Variants in MDM2 observed in about 807,000 individuals in gnomAD.
MDM2 encodes the protein E3 ubiquitin-protein ligase Mdm2.
A neutral mutation model predicts 64.3 loss-of-function variants in MDM2; 11 were observed. That is an observed-to-expected ratio of 0.17 (90% confidence interval 0.11 to 0.28). The LOEUF (loss-of-function observed/expected upper bound fraction) is 0.28, where lower values mean the gene tolerates loss of function less well. Ranked by LOEUF, MDM2 falls within the 10% of genes least tolerant of loss-of-function variation. The pLI, the probability that MDM2 is intolerant of heterozygous loss-of-function variation, is 1.00. For missense variants in MDM2, 388 were observed against 577.1 expected, an observed-to-expected ratio of 0.67 and a Z score of 3.36; for synonymous variants, 194 against 192.9, an observed-to-expected ratio of 1.01 and a Z score of -0.05.
intron 5 of MDM2, among the ~76,000 whole-genome samples, chr12:68,821,553 AC>A (rs1565737244): frequency 4.3e-4 from 66 of 152,026 alleles, no homozygotes; most frequent in African/African-American, 1.5e-3. Flanking sequence ...CAAAATCCTA[AC>A]TCTGCAAAAA....
rs749845234 is a variant in MDM2 at position 68,808,436 on chromosome 12, G to A, written c.-42G>A. 3 of 1,613,932 alleles carry A rather than the reference G, an allele frequency of 1.9e-6. No homozygotes were observed. The highest frequency in any genetic ancestry group is 4.5e-5 in the East Asian group (2 of 44,862). On this transcript the variant is annotated 5_prime_UTR_variant, in exon 1 of 11. Transcript: ENST00000258149. ...CCGCGCGCCCCGTGAAGGAAACTGG[G>A]GAGTCTTGAGGGACCCCCGACTCCA...
downstream of MDM2, chr12:68,850,008 G>T (rs991779148): frequency 1.3e-5 from 2 of 152,412 alleles, no homozygotes; most frequent in African/African-American, 4.8e-5. Flanking sequence ...CCTTGGCTGG[G>T]GGGTGATGGC....
Position 68,844,977 on chromosome 12 carries a change from A to G in MDM2, c.*5128A>G. The G allele has an allele frequency of 5.2e-6, 1 of 193,706 alleles. No individual in the cohort carries two copies. The allele number at this position is 193,706 out of a possible 1,614,324, so 12.0% of individuals were successfully genotyped here. ...GAGATGAAGTTTCACTATGTTGGCC[A>G]GGCTGGGCTCAAACTCCTGACCTCA... On this transcript the variant is annotated 3_prime_UTR_variant, in exon 11 of 11. Coordinates refer to ENST00000258149, the MANE Select transcript of MDM2 (RefSeq NM_002392.6).
At chr12:68,823,018 A>G (rs3730558) in intron 5 of MDM2, among the ~76,000 whole-genome samples, 78,368 of 152,038 alleles carry the variant, frequency 0.52, 21,963 homozygotes, top group African/African-American at 0.74. Context: ...TGGGATTACA[A>G]GTGTGAGCCA....
chr12:68,828,598 A>C lies in MDM2; in HGVS notation c.524-173A>C, dbSNP rs3730602. ...CAGACAATAAATAAATAAACAAATA[A>C]ATAAATACACACAGATAGTGTTCTG... On this transcript the variant is annotated intron_variant, in intron 7 of 10. Coordinates refer to ENST00000258149, the MANE Select transcript of MDM2 (RefSeq NM_002392.6). The C allele has an allele frequency of 4.8e-3, 2,674 of 556,984 alleles. 67 individuals carry two copies. The highest frequency in any genetic ancestry group is 0.045 in the African/African-American group (2,363 of 52,918). 34.5% of individuals were successfully genotyped at this position (556,984 alleles called of 1,614,324 possible).
At chr12:68,846,513 G>T (rs1047469769), downstream of MDM2, 1 of 152,138 alleles carries the variant, frequency 6.6e-6, no homozygotes, top group Non-Finnish European at 1.5e-5. Flanking sequence ...CCACTGTCCT[G>T]TATTAAGTAG....
chr12:68,819,340 G>C (rs868630680), intron 4 of MDM2, among the ~76,000 whole-genome samples: 7 of 152,248 alleles, frequency 4.6e-5, no homozygotes, highest in Middle Eastern at 3.4e-3. Context: ...TTATCCTCCT[G>C]TTAGGATATA....
intron 6 of MDM2, 49 bp from the exon 7 acceptor site, chr12:68,824,506 A>G (rs754409184): frequency 1.9e-6 from 3 of 1,590,446 alleles, no homozygotes; most frequent in Non-Finnish European, 2.6e-6. Context: ...AAGTTAGCTT[A>G]CTGGTTATGT....
chr12:68,836,162 A>G (rs1883292484), intron 9 of MDM2, among the ~76,000 whole-genome samples, 178 bp downstream of exon 9: 1 of 152,090 alleles, frequency 6.6e-6, no homozygotes, highest in Non-Finnish European at 1.5e-5. Context: ...TTATCATCTG[A>G]TTTATATTAT....
At chr12:68,850,665 A>C in the MDM2 span, 1 of 152,192 alleles carries the variant, frequency 6.6e-6, no homozygotes, top group Non-Finnish European at 1.5e-5. Context: ...GAAATCAATA[A>C]AATTTGTTAT....
Position 68,844,986 on chromosome 12 carries a change from T to C in MDM2, c.*5137T>C. ...TTTCACTATGTTGGCCAGGCTGGGCTCAAACTCCTGACCTCAAGTGATCTG... is the reference window on the plus strand; with the variant it reads ...TTTCACTATGTTGGCCAGGCTGGGCCCAAACTCCTGACCTCAAGTGATCTG... On this transcript the variant is annotated 3_prime_UTR_variant, in exon 11 of 11. Transcript: ENST00000258149. 5.2e-6 allele frequency: 1 copy of C among 194,112 alleles called. No homozygotes were observed. 12.0% of individuals were successfully genotyped at this position (194,112 alleles called of 1,614,324 possible). A position where few individuals can be genotyped will look rare whatever the true frequency, so the allele number is the denominator to read the frequency against.
chr12:68,814,500 A>G (rs1881182553), intron 3 of MDM2: 1 of 272,480 alleles, frequency 3.7e-6, no homozygotes, highest in Admixed American at 5.0e-5. Flanking sequence ...GCCTACATTT[A>G]TAATCGAAGG....
chr12:68,826,129 G>A (rs1182005717), intron 7 of MDM2, among the ~76,000 whole-genome samples: 2 of 152,006 alleles, frequency 1.3e-5, no homozygotes, highest in South Asian at 2.1e-4. Flanking sequence ...CAGTAAATAC[G>A]AATGACTAAT....
rs756933597 is a variant in MDM2, at chr12:68,824,462, A to G, written c.426+32A>G. The G allele has an allele frequency of 2.5e-6, 4 of 1,603,284 alleles. No individual in the cohort carries two copies. The Admixed American group carries it at 5.1e-5, about 20-fold the overall frequency. ...TAAGTAAATTTCTCATTCTAATGTA[A>G]TATTATTTGCAAATTGGAAAGGTTA... is the stretch of plus-strand genomic sequence containing the variant. On this transcript the variant is annotated intron_variant, in intron 6 of 10. Transcript: ENST00000258149.
chr12:68,809,123 GTTGT>G (rs1394569247), intron 1 of MDM2, 81 bp from the exon 2 acceptor site: 12 of 1,570,306 alleles, frequency 7.6e-6, no homozygotes, highest in Non-Finnish European at 9.5e-6. Context: ...AGTTTTAACT[GTTGT>G]TTATGTTCTT....
chr12:68,825,760 C>A (rs1053077850), intron 7 of MDM2, among the ~76,000 whole-genome samples: 2 of 152,136 alleles, frequency 1.3e-5, no homozygotes, highest in African/African-American at 4.8e-5. Flanking sequence ...TAACTAAGAC[C>A]GTATGATTCA....
Position 68,809,004 on chromosome 12 carries a change from G to T in MDM2, c.15-204G>T. ...CTCCAGCTGGGGCTATTTAAACCAT[G>T]CATTTTCCCAGCTGTGTTCAGTGGC... On this transcript the variant is annotated intron_variant, in intron 1 of 10. Coordinates refer to ENST00000258149, the MANE Select transcript of MDM2 (RefSeq NM_002392.6). The T allele has an allele frequency of 2.1e-6, 3 of 1,455,652 alleles. No individual in the cohort carries two copies. The South Asian group carries it at 4.5e-5, about 22-fold the overall frequency. The allele number at this position is 1,455,652 out of a possible 1,614,324, so 90.2% of individuals were successfully genotyped here.
intron 7 of MDM2, chr12:68,824,884 T>C (rs1882174288): frequency 2.2e-6 from 1 of 455,500 alleles, no homozygotes; most frequent in Non-Finnish European, 3.9e-6. Context: ...AGTTTATAGT[T>C]AGCCAACTCT....
intron 7 of MDM2, 77 bp downstream of exon 7, chr12:68,824,728 C>A: frequency 3.2e-6 from 3 of 948,030 alleles, no homozygotes; most frequent in South Asian, 1.5e-5. Context: ...TGCTTTTAGA[C>A]TTAATTAAAT....
Sources: allele counts gnomAD v4.1 joint callset (sites outside exome capture counted in the v4.1 genomes callset), GRCh38; gene constraint gnomAD v4.1.1; transcripts MANE v1.5; gene names NCBI Gene and HGNC (gene_info 2026-07-23, HGNC 2026-07-21).